HS3ST1: variants seen among roughly 807,000 people sequenced by gnomAD.
HS3ST1 encodes heparan sulfate glucosamine 3-O-sulfotransferase 1.
Under a neutral mutation model 20.7 loss-of-function variants are expected in HS3ST1, and 8 were observed. The ratio of observed to expected loss-of-function variants is 0.39; its 90% CI spans 0.23 to 0.70. HS3ST1 has a LOEUF of 0.70. HS3ST1 is among the 30% of genes least tolerant of loss of function. HS3ST1 has a pLI of 0.46. For synonymous variants in HS3ST1, 205 were observed against 190.4 expected (o/e 1.08, Z -0.63); for missense variants, 436 against 423.4 (o/e 1.03, Z -0.26).
rs1312896263 is a variant in HS3ST1, at chr4:11,400,034, C to T, written c.-29G>A. 10 of 1,465,852 alleles carry T rather than the reference C, an allele frequency of 6.8e-6. No homozygotes were observed. The African/African-American group carries it at 8.4e-5, about 12-fold the overall frequency. The allele number at this position is 1,465,852 out of a possible 1,614,324, so 90.8% of individuals were successfully genotyped here. A position where few individuals can be genotyped will look rare whatever the true frequency, so the allele number is the denominator to read the frequency against. ...GGACACCACGGTGGCTTCACTGGGCCGCGCGCCGCTGGGTCATGAAGTGCC... is the reference window on the plus strand; with the variant it reads ...GGACACCACGGTGGCTTCACTGGGCTGCGCGCCGCTGGGTCATGAAGTGCC... On this transcript the variant is annotated 5_prime_UTR_variant, in exon 2 of 2. Transcript: ENST00000002596.
intron 1 of HS3ST1, among the ~76,000 whole-genome samples, chr4:11,420,938 T>C (rs768776438): frequency 6.6e-6 from 1 of 152,182 alleles, no homozygotes; most frequent in Non-Finnish European, 1.5e-5. Flanking sequence ...ACCAGGAGAA[T>C]AGGGATGCTA....
intron 1 of HS3ST1, among the ~76,000 whole-genome samples, chr4:11,428,242 G>A (rs1283478435): frequency 6.6e-6 from 1 of 152,190 alleles, no homozygotes; most frequent in Admixed American, 6.5e-5. Context: ...CACCCCCAAA[G>A]GCTCCCTCAG....
intron 1 of HS3ST1, among the ~76,000 whole-genome samples, chr4:11,420,950 T>C (rs908117080): frequency 2.0e-5 from 3 of 152,218 alleles, no homozygotes; most frequent in Non-Finnish European, 4.4e-5. Flanking sequence ...GGGATGCTAA[T>C]AAAATACAGG....
At chr4:11,433,081 G>A (rs1307108523), upstream of HS3ST1, among the ~76,000 whole-genome samples, 1 of 152,104 alleles carries the variant, frequency 6.6e-6, no homozygotes, top group East Asian at 1.9e-4. Flanking sequence ...TCCCTGCCTT[G>A]CCAAGTTAAA....
chr4:11,396,619 G>C lies in HS3ST1; in HGVS notation c.*2463C>G, dbSNP rs576412351. The C allele has an allele frequency of 3.9e-5, 6 of 152,412 alleles. No individual in the cohort carries two copies. The highest frequency in any genetic ancestry group is 1.4e-4 in the African/African-American group (6 of 41,568). 9.4% of individuals were successfully genotyped at this position (152,412 alleles called of 1,614,324 possible). A position where few individuals can be genotyped will look rare whatever the true frequency, so the allele number is the denominator to read the frequency against. ...ATTTGACAGTGCTTGGTGAGATCTA[G>C]CAATAAATACCTTGGGTAAGTCTGG... On this transcript the variant is annotated 3_prime_UTR_variant, in exon 2 of 2. Transcript: ENST00000002596.
At position 11,406,756 on chromosome 4, in the gene HS3ST1, T is replaced by G. The variant is rs1042125621; in HGVS notation, c.-108-6643A>C. 2.6e-5 allele frequency among the ~76,000 whole-genome samples: 4 copies of G among 152,326 alleles called. No homozygotes were observed. The East Asian group carries it at 5.8e-4, about 22-fold the overall frequency. ...AAGTGTGAGATTTATTATACTGTTA[T>G]GCGAGAACTGCTTCTTTCCAAGAAT... On this transcript the variant is annotated intron_variant, in intron 1 of 1. Transcript: ENST00000002596.
chr4:11,427,589 A>C (rs1719093933), intron 1 of HS3ST1, among the ~76,000 whole-genome samples: 1 of 152,248 alleles, frequency 6.6e-6, no homozygotes, highest in Non-Finnish European at 1.5e-5. Context: ...GGGAGGAGCG[A>C]GACTCGCGCA....
At chr4:11,422,178 G>T (rs1283476960) in intron 1 of HS3ST1, among the ~76,000 whole-genome samples, 1 of 152,174 alleles carries the variant, frequency 6.6e-6, no homozygotes, top group East Asian at 1.9e-4. Flanking sequence ...AGGTTTGAGG[G>T]CTATGCAATT....
At chr4:11,400,874 C>T (rs910507237) in intron 1 of HS3ST1, among the ~76,000 whole-genome samples, 11 of 152,216 alleles carry the variant, frequency 7.2e-5, no homozygotes, top group African/African-American at 2.2e-4. Flanking sequence ...TTTGCTCACC[C>T]TCTTTCACTA....
In HS3ST1 at chr4:11,393,581, TAGC is replaced by T. The variant is rs1024828230; in HGVS notation, c.*5498_*5500del. The T allele has an allele frequency of 6.6e-6, 1 of 152,168 alleles. No homozygotes were observed. Among genetic ancestry groups the T allele is most frequent in the Non-Finnish European group, 1.5e-5 (1 of 68,046 alleles). 9.4% of individuals were successfully genotyped at this position (152,168 alleles called of 1,614,324 possible). A position where few individuals can be genotyped will look rare whatever the true frequency, so the allele number is the denominator to read the frequency against. ...GGAAACACATTTACTGAGAATAGGG[TAGC>T]AGAAGAAATGAGTAAGGTAATGTGG... is the stretch of plus-strand genomic sequence containing the variant. On this transcript the variant is annotated 3_prime_UTR_variant, in exon 2 of 2. Coordinates refer to ENST00000002596, the MANE Select transcript of HS3ST1 (RefSeq NM_005114.4).
intron 1 of HS3ST1, among the ~76,000 whole-genome samples, chr4:11,411,269 T>C (rs1156958360): frequency 6.6e-6 from 1 of 152,176 alleles, no homozygotes; most frequent in Non-Finnish European, 1.5e-5. Flanking sequence ...TATGCCCTAG[T>C]GGGTTTTGAT....
At chr4:11,400,686 C>T (rs1337127024) in intron 1 of HS3ST1, among the ~76,000 whole-genome samples, 1 of 152,170 alleles carries the variant, frequency 6.6e-6, no homozygotes, top group African/African-American at 2.4e-5. Context: ...TTCCTGCCCC[C>T]ACTCTTCCAG....
intron 1 of HS3ST1, among the ~76,000 whole-genome samples, chr4:11,416,939 C>T (rs924177935): frequency 2.4e-4 from 36 of 152,130 alleles, no homozygotes; most frequent in South Asian, 2.1e-4. Context: ...AAAGGGAGAA[C>T]GTACAAAAGT....
At chr4:11,410,319 T>C (rs1325366018) in intron 1 of HS3ST1, among the ~76,000 whole-genome samples, 1 of 152,090 alleles carries the variant, frequency 6.6e-6, no homozygotes, top group Non-Finnish European at 1.5e-5. Context: ...AGGAAAGAGA[T>C]GGGAGCTGGC....
At chr4:11,424,432 G>A (rs1344722615) in intron 1 of HS3ST1, among the ~76,000 whole-genome samples, 1 of 152,216 alleles carries the variant, frequency 6.6e-6, no homozygotes, top group African/African-American at 2.4e-5. Context: ...ATGGGTAGAG[G>A]AAGCTAAGGA....
chr4:11,420,120 G>A (rs571748027), intron 1 of HS3ST1, among the ~76,000 whole-genome samples: 87 of 152,290 alleles, frequency 5.7e-4, no homozygotes, highest in Admixed American at 2.2e-3. Flanking sequence ...CTGCTAGTTA[G>A]GAGCTCAGGT....
In HS3ST1 at chr4:11,428,795, A is replaced by T. The variant is rs1345273542; in HGVS notation, c.-205T>A. On this transcript the variant is annotated 5_prime_UTR_variant, in exon 1 of 2. It adds an upstream start codon to the 5' untranslated region. Transcript: ENST00000002596. Reference sequence around the variant, plus strand: ...CCGAGCACCCGCGGCGGGTAGAGCAAGTTTCTGGATGGCCCGGGGCAGGCG... The same window carrying T: ...CCGAGCACCCGCGGCGGGTAGAGCATGTTTCTGGATGGCCCGGGGCAGGCG... 1 of 152,636 alleles carries T rather than the reference A, an allele frequency of 6.6e-6. No individual in the cohort carries two copies. Among genetic ancestry groups the T allele is most frequent in the Non-Finnish European group, 1.5e-5 (1 of 68,488 alleles). The allele number at this position is 152,636 out of a possible 1,614,324, so 9.5% of individuals were successfully genotyped here.
Position 11,399,092 on chromosome 4 carries a change from T to A in HS3ST1, c.914A>T (p.Asp305Val), listed in dbSNP as rs376994997. 2 of 1,610,854 alleles carry A rather than the reference T, an allele frequency of 1.2e-6. No individual in the cohort carries two copies. The highest frequency in any genetic ancestry group is 1.7e-6 in the Non-Finnish European group (2 of 1,177,458). ...TTAGCTTATTGCAAATCAGTGCCAG[T>A]CAAATGTTCTGCCAACAAGCTCGAA... is the stretch of plus-strand genomic sequence containing the variant. The part of the protein sequence containing the change: ...KFFELVGRTF[D>V]WH The change falls in exon 2 of 2, where the codon GAC becomes GTC. Residue 305 changes from aspartate (D) to valine (V), a missense_variant. Coordinates refer to ENST00000002596, the MANE Select transcript of HS3ST1 (RefSeq NM_005114.4). The surrounding 1 kb of genome is among the most constrained non-coding windows in gnomAD (Gnocchi z 5.1).
chr4:11,431,545 A>T (rs60856881), upstream of HS3ST1, among the ~76,000 whole-genome samples: 5,946 of 152,306 alleles, frequency 0.039, 216 homozygotes, highest in African/African-American at 0.1. Context: ...AGATGAAAAA[A>T]TAAGATATCT....
Sources: allele counts gnomAD v4.1 joint callset (sites outside exome capture counted in the v4.1 genomes callset), GRCh38; gene constraint gnomAD v4.1.1; non-coding constraint Gnocchi (gnomAD v3.1); transcripts MANE v1.5; gene names NCBI Gene and HGNC (gene_info 2026-07-23, HGNC 2026-07-21).